KCND2: variants seen among roughly 807,000 people sequenced by gnomAD.
KCND2 encodes the protein A-type voltage-gated potassium channel KCND2.
In KCND2, 16 loss-of-function variants were observed where a neutral mutation model predicts 54.4. The observed-to-expected ratio is 0.29, with a 90% CI of 0.20 to 0.45. The LOEUF is 0.45. KCND2 is among the 20% of genes least tolerant of loss of function. KCND2 has a pLI of 1.00. For synonymous variants in KCND2, 317 were observed against 310.7 expected, an observed-to-expected ratio of 1.02 and a Z score of -0.21; for missense variants, 486 against 824.2, an observed-to-expected ratio of 0.59 and a Z score of 5.02.
chr7:120,646,499 A>G (rs1793444003), intron 1 of KCND2, among the ~76,000 whole-genome samples: 1 of 151,844 alleles, frequency 6.6e-6, no homozygotes, highest in South Asian at 2.1e-4. Context: ...TTTTCTGTCA[A>G]CTCTTATATT....
chr7:120,655,537 G>A (rs1486916106), intron 1 of KCND2, among the ~76,000 whole-genome samples: 1 of 152,072 alleles, frequency 6.6e-6, no homozygotes, highest in East Asian at 1.9e-4. Context: ...TTGTTTATAT[G>A]CAGTAGTTGA....
At chr7:120,385,200 T>TA (rs1800971686) in intron 1 of KCND2, among the ~76,000 whole-genome samples, 1 of 151,326 alleles carries the variant, frequency 6.6e-6, no homozygotes, top group Non-Finnish European at 1.5e-5. Flanking sequence ...GACGGGGTTT[T>TA]ATCATGTTCA....
intron 1 of KCND2, among the ~76,000 whole-genome samples, chr7:120,631,061 C>A (rs537265985): frequency 6.6e-6 from 1 of 152,246 alleles, no homozygotes; most frequent in East Asian, 1.9e-4. Flanking sequence ...AGGAAATGAA[C>A]ACCTACTATC....
intron 1 of KCND2, among the ~76,000 whole-genome samples, chr7:120,532,796 AAATAGCTAT>A (rs1446832143): frequency 2.6e-5 from 4 of 152,004 alleles, no homozygotes; most frequent in Non-Finnish European, 5.9e-5. Context: ...ATGTAAAATA[AAATAGCTAT>A]AAAATAACTA....
At chr7:120,684,488 A>G (rs919411247) in intron 1 of KCND2, among the ~76,000 whole-genome samples, 2 of 152,138 alleles carry the variant, frequency 1.3e-5, no homozygotes, top group Middle Eastern at 3.2e-3. Flanking sequence ...AAGAAGTTAG[A>G]GGATATTGTA....
chr7:120,318,369 C>A (rs768199346), intron 1 of KCND2, among the ~76,000 whole-genome samples: 7 of 152,070 alleles, frequency 4.6e-5, no homozygotes, highest in Non-Finnish European at 8.8e-5. Context: ...TAATCCTAGG[C>A]TCTTTCAGAA....
chr7:120,521,673 T>C (rs1791694975), intron 1 of KCND2, among the ~76,000 whole-genome samples: 1 of 152,280 alleles, frequency 6.6e-6, no homozygotes, highest in African/African-American at 2.4e-5. Flanking sequence ...GAAGAAAATA[T>C]AGGAAAGATA....
chr7:120,398,193 T>A (rs1801189232), intron 1 of KCND2, among the ~76,000 whole-genome samples: 1 of 150,588 alleles, frequency 6.6e-6, no homozygotes, highest in Admixed American at 6.7e-5. Flanking sequence ...ATATATATAT[T>A]TAACAGTAAG....
chr7:120,281,691 G>A (rs1382486046), intron 1 of KCND2, among the ~76,000 whole-genome samples: 1 of 152,174 alleles, frequency 6.6e-6, no homozygotes, highest in African/African-American at 2.4e-5. Flanking sequence ...AGGTTTGAGT[G>A]TATACCTTCT....
At chr7:120,300,492 T>C (rs1020429257) in intron 1 of KCND2, among the ~76,000 whole-genome samples, 1 of 152,162 alleles carries the variant, frequency 6.6e-6, no homozygotes, top group Non-Finnish European at 1.5e-5. Flanking sequence ...TATATTGTTT[T>C]CATTTCAAAA....
chr7:120,593,099 A>T (rs1792691573), intron 1 of KCND2, among the ~76,000 whole-genome samples: 1 of 152,184 alleles, frequency 6.6e-6, no homozygotes, highest in Non-Finnish European at 1.5e-5. Context: ...TATAAGAACA[A>T]ATATCAAATA....
intron 1 of KCND2, among the ~76,000 whole-genome samples, chr7:120,612,888 A>G (rs1284695484): frequency 6.6e-6 from 1 of 152,216 alleles, no homozygotes; most frequent in African/African-American, 2.4e-5. Context: ...ATTAATTGGA[A>G]AAGGGTTGAA....
intron 1 of KCND2, among the ~76,000 whole-genome samples, chr7:120,723,944 G>C (rs774611837): frequency 6.6e-6 from 1 of 151,420 alleles, no homozygotes; most frequent in Admixed American, 6.6e-5. Flanking sequence ...TGGGCATTTT[G>C]TCTAAGTATT....
At chr7:120,412,236 T>C (rs904530142) in intron 1 of KCND2, among the ~76,000 whole-genome samples, 5 of 152,004 alleles carry the variant, frequency 3.3e-5, no homozygotes, top group Admixed American at 6.6e-5. Context: ...CAAAATAAAT[T>C]CAGAGTTATT....
At chr7:120,553,691 G>T (rs1013555980) in intron 1 of KCND2, among the ~76,000 whole-genome samples, 2 of 152,142 alleles carry the variant, frequency 1.3e-5, no homozygotes, top group Admixed American at 6.5e-5. Context: ...ATGATTGTAG[G>T]TCATCCTGTG....
At chr7:120,381,418 G>T (rs762133985) in intron 1 of KCND2, among the ~76,000 whole-genome samples, 1 of 151,652 alleles carries the variant, frequency 6.6e-6, no homozygotes, top group Non-Finnish European at 1.5e-5. Context: ...TTTGCCCAAG[G>T]GAAGCAACTT....
At chr7:120,739,750 C>T (rs573664561) in intron 2 of KCND2, among the ~76,000 whole-genome samples, 1 of 151,350 alleles carries the variant, frequency 6.6e-6, no homozygotes, top group South Asian at 2.1e-4. Flanking sequence ...TGAAAGGCAT[C>T]TTGGTACAAT....
chr7:120,622,709 TCTCTCTCACACA>T (rs766765862), intron 1 of KCND2, among the ~76,000 whole-genome samples: 6,500 of 145,844 alleles, frequency 0.045, 152 homozygotes, highest in Non-Finnish European at 0.066. Context: ...TCTCTCTCTC[TCTCTCTCACACA>T]CACACACACA....
chr7:120,474,659 A>C (rs1414913390), intron 1 of KCND2, among the ~76,000 whole-genome samples: 5 of 151,622 alleles, frequency 3.3e-5, no homozygotes, highest in Non-Finnish European at 7.4e-5. Context: ...TTAATTAATG[A>C]GGTGTAGAAG....
Sources: allele counts gnomAD v4.1 joint callset (sites outside exome capture counted in the v4.1 genomes callset), GRCh38; gene constraint gnomAD v4.1.1; transcripts MANE v1.5; gene names NCBI Gene and HGNC (gene_info 2026-07-23, HGNC 2026-07-21).